The following MEIS2 variants were observed in gnomAD, a reference collection of about 807,000 sequenced individuals.
The protein encoded by MEIS2 is Meis homeobox 2, also known as homeobox protein Meis2.
In MEIS2, 9 loss-of-function variants were observed where a neutral mutation model predicts 58.6. That is an observed-to-expected ratio of 0.15 (90% CI 0.09 to 0.27). The LOEUF is 0.27. Among genes scored for constraint, MEIS2 ranks in the 10% least tolerant of loss-of-function variants. The probability of loss-of-function intolerance (pLI) is 1.00; values close to 1 mark genes in which losing one functional copy is unlikely to be tolerated. For synonymous variants in MEIS2, 221 were observed against 228.4 expected, an observed-to-expected ratio of 0.97 and a Z score of 0.29; for missense variants, 427 against 635.0, an observed-to-expected ratio of 0.67 and a Z score of 3.52.
At chr15:36,971,549 A>AAAAAAAAAAAAAAAAAAAG in intron 8 of MEIS2, among the ~76,000 whole-genome samples, 1 of 145,610 alleles carries the variant, frequency 6.9e-6, no homozygotes, top group African/African-American at 2.5e-5. Context: ...AAAAAAAAAA[A>AAAAAAAAAAAAAAAAAAAG]AAAAAAAAAA....
At chr15:36,989,842 G>C (rs933212556) in intron 8 of MEIS2, among the ~76,000 whole-genome samples, 2 of 152,232 alleles carry the variant, frequency 1.3e-5, no homozygotes, top group South Asian at 2.1e-4. Flanking sequence ...TGTAAGTACA[G>C]TGTAGCAACA....
chr15:36,997,475 TTCTC>T (rs1004685886), intron 8 of MEIS2, among the ~76,000 whole-genome samples: 5 of 141,014 alleles, frequency 3.5e-5, no homozygotes, highest in African/African-American at 1.3e-4. Context: ...AATTCTTGAT[TTCTC>T]TCTCTCTCTC....
intron 7 of MEIS2, among the ~76,000 whole-genome samples, chr15:37,042,265 G>A (rs1383536616): frequency 1.3e-5 from 2 of 152,176 alleles, no homozygotes; most frequent in Non-Finnish European, 2.9e-5. Context: ...GATTTGGAAT[G>A]AAAAAATGAT....
intron 7 of MEIS2, among the ~76,000 whole-genome samples, chr15:37,046,150 C>T (rs954654055): frequency 1.3e-5 from 2 of 152,222 alleles, no homozygotes; most frequent in African/African-American, 4.8e-5. Flanking sequence ...GCAGGCTCTC[C>T]ACTGAAGAGA....
intron 1 of MEIS2, 51 bp from the exon 2 acceptor site, chr15:37,098,250 AGGAGG>A: frequency 6.7e-7 from 1 of 1,485,824 alleles, no homozygotes; most frequent in Non-Finnish European, 9.0e-7. Context: ...GGGAGAACAG[AGGAGG>A]GGGGTGGAAA....
At chr15:37,028,921 T>C (rs1567200798) in intron 8 of MEIS2, among the ~76,000 whole-genome samples, 1 of 142,772 alleles carries the variant, frequency 7.0e-6, no homozygotes, top group Non-Finnish European at 1.5e-5. Flanking sequence ...CTCAAAATCA[T>C]TATGAAATAG....
At chr15:37,007,147 G>A (rs1034443309) in intron 8 of MEIS2, among the ~76,000 whole-genome samples, 8 of 152,176 alleles carry the variant, frequency 5.3e-5, no homozygotes, top group Non-Finnish European at 5.9e-5. Flanking sequence ...CAATTTGTCT[G>A]AGGGCAATCC....
intron 7 of MEIS2, among the ~76,000 whole-genome samples, chr15:37,040,818 G>A (rs2062391329): frequency 6.6e-6 from 1 of 152,162 alleles, no homozygotes; most frequent in Admixed American, 6.5e-5. Context: ...TAAAAACACA[G>A]GTCCCCAGGC....
At chr15:37,079,669 C>T (rs1891932515) in intron 7 of MEIS2, among the ~76,000 whole-genome samples, 1 of 152,134 alleles carries the variant, frequency 6.6e-6, no homozygotes, top group Non-Finnish European at 1.5e-5. Context: ...GGTTTCAACA[C>T]CATGATTGCT....
At position 36,892,090 on chromosome 15, in the gene MEIS2, TTAAG is replaced by T. The variant is rs1216805392; in HGVS notation, c.*79_*82del. 3 of 1,403,920 alleles carry T rather than the reference TTAAG, an allele frequency of 2.1e-6. No homozygotes were observed. In the East Asian group the frequency reaches 6.9e-5, roughly 32 times the overall value. 87.0% of individuals were successfully genotyped at this position (1,403,920 alleles called of 1,614,324 possible). ...AATCACAGCTGTCTGGAATTTCATATTAAGTGTCAACATCTGGTCAAAGTTCAGA... is the reference window on the plus strand; with the variant it reads ...AATCACAGCTGTCTGGAATTTCATATTGTCAACATCTGGTCAAAGTTCAGA... On this transcript the variant is annotated 3_prime_UTR_variant, in exon 12 of 12. Transcript: ENST00000561208.
intron 8 of MEIS2, among the ~76,000 whole-genome samples, chr15:37,018,774 T>C (rs1346270621): frequency 6.6e-6 from 1 of 152,216 alleles, no homozygotes; most frequent in African/African-American, 2.4e-5. Flanking sequence ...TGATTATAAT[T>C]TGATAACTCC....
intron 9 of MEIS2, among the ~76,000 whole-genome samples, chr15:36,933,441 C>T (rs1025746453): frequency 3.6e-4 from 55 of 152,124 alleles, no homozygotes; most frequent in African/African-American, 1.3e-3. Context: ...TTAATCTCCT[C>T]CATCAAGTCA....
intron 7 of MEIS2, among the ~76,000 whole-genome samples, chr15:37,072,329 G>A (rs1313090890): frequency 6.6e-6 from 1 of 152,084 alleles, no homozygotes; most frequent in East Asian, 1.9e-4. Flanking sequence ...TCCTGGTTGT[G>A]TAATTCCTGT....
At chr15:37,097,863 C>T in intron 2 of MEIS2, 104 bp downstream of exon 2, 2 of 1,437,770 alleles carry the variant, frequency 1.4e-6, no homozygotes, top group Non-Finnish European at 1.8e-6. Context: ...CCCCACCATA[C>T]AGAAGTAACT....
intron 8 of MEIS2, among the ~76,000 whole-genome samples, chr15:37,009,247 C>T (rs1345696718): frequency 2.0e-5 from 3 of 152,096 alleles, no homozygotes; most frequent in Non-Finnish European, 2.9e-5. Context: ...CGAGATCGCG[C>T]CACTGCACTC....
chr15:37,019,532 C>T (rs1337991653), intron 8 of MEIS2, among the ~76,000 whole-genome samples: 1 of 152,160 alleles, frequency 6.6e-6, no homozygotes, highest in Non-Finnish European at 1.5e-5. Flanking sequence ...ACCACTTCTT[C>T]AATTAAATTG....
At chr15:36,997,491 T>C (rs1272459877) in intron 8 of MEIS2, among the ~76,000 whole-genome samples, 15 of 7,958 alleles carry the variant, frequency 1.9e-3, no homozygotes, top group Non-Finnish European at 6.9e-3. Context: ...CTCTCTCTCT[T>C]TTTTTTTTTT....
intron 7 of MEIS2, among the ~76,000 whole-genome samples, chr15:37,077,546 C>G (rs568320697): frequency 1.8e-4 from 27 of 151,962 alleles, no homozygotes; most frequent in Non-Finnish European, 3.5e-4. Flanking sequence ...GTAATTTTTC[C>G]CCATGTCAAT....
chr15:37,014,744 G>A (rs1402955299), intron 8 of MEIS2, among the ~76,000 whole-genome samples: 1 of 152,030 alleles, frequency 6.6e-6, no homozygotes, highest in African/African-American at 2.4e-5. Flanking sequence ...ACTGTCACTA[G>A]GTAACACTCA....
Sources: allele counts gnomAD v4.1 joint callset (sites outside exome capture counted in the v4.1 genomes callset), GRCh38; gene constraint gnomAD v4.1.1; transcripts MANE v1.5; gene names NCBI Gene and HGNC (gene_info 2026-07-23, HGNC 2026-07-21).